SYT16: variants seen among roughly 807,000 people sequenced by gnomAD.
SYT16 encodes the protein synaptotagmin-16.
Under a neutral mutation model 61.4 loss-of-function variants are expected in SYT16, and 42 were observed. The observed-to-expected ratio is 0.68, with a 90% CI of 0.53 to 0.89. SYT16 has a LOEUF of 0.89. Ranked by LOEUF, SYT16 falls within the 40% of genes least tolerant of loss-of-function variation. SYT16 has a pLI of 0.00. For missense variants in SYT16, 804 were observed against 807.3 expected (o/e 1.00, Z 0.05); for synonymous variants, 314 against 302.3 (o/e 1.04, Z -0.40).
intron 1 of SYT16, among the ~76,000 whole-genome samples, chr14:61,881,319 AC>A (rs2047690217): frequency 6.6e-6 from 1 of 152,114 alleles, no homozygotes. Flanking sequence ...TCTCAGCAAA[AC>A]CTTTTGAATA....
intron 3 of SYT16, among the ~76,000 whole-genome samples, chr14:62,062,972 A>G (rs954119897): frequency 1.3e-5 from 2 of 152,234 alleles, no homozygotes; most frequent in African/African-American, 4.8e-5. Context: ...GTAAAGTAGC[A>G]GCAGACAGGC....
At chr14:61,869,399 T>C (rs1231471230) in intron 1 of SYT16, among the ~76,000 whole-genome samples, 1 of 152,156 alleles carries the variant, frequency 6.6e-6, no homozygotes, top group Non-Finnish European at 1.5e-5. Context: ...TAGGTTTTTT[T>C]GGCTTATTAG....
chr14:61,820,472 T>TTG (rs2045580857), intron 1 of SYT16, among the ~76,000 whole-genome samples: 2 of 115,102 alleles, frequency 1.7e-5, no homozygotes, highest in African/African-American at 3.4e-5. Context: ...CTTCAGAGTT[T>TTG]TTTTTTTTTT....
chr14:61,992,013 C>G (rs1421004558), intron 2 of SYT16, among the ~76,000 whole-genome samples: 2 of 152,034 alleles, frequency 1.3e-5, no homozygotes, highest in African/African-American at 2.4e-5. Context: ...AGCCCCTGCC[C>G]TGTGTGGATT....
intron 1 of SYT16, among the ~76,000 whole-genome samples, chr14:61,875,754 C>T (rs923019931): frequency 5.3e-5 from 8 of 152,212 alleles, no homozygotes; most frequent in Admixed American, 1.3e-4. Flanking sequence ...CCATGCATGC[C>T]TGCACCAGAC....
chr14:62,048,373 C>G (rs567398881), intron 3 of SYT16, among the ~76,000 whole-genome samples: 116 of 151,812 alleles, frequency 7.6e-4, no homozygotes, highest in African/African-American at 2.6e-3. Flanking sequence ...CTCTTTTTTT[C>G]TTTATTAGTC....
At chr14:61,854,183 G>A (rs2046705344) in intron 1 of SYT16, among the ~76,000 whole-genome samples, 1 of 152,062 alleles carries the variant, frequency 6.6e-6, no homozygotes, top group Non-Finnish European at 1.5e-5. Flanking sequence ...TTGTGAGATT[G>A]AAAGAAGGTA....
chr14:61,843,905 A>G (rs2046368837), intron 1 of SYT16, among the ~76,000 whole-genome samples: 1 of 152,140 alleles, frequency 6.6e-6, no homozygotes, highest in African/African-American at 2.4e-5. Flanking sequence ...GAGGTTCCAT[A>G]TAAATTTTAG....
At chr14:61,893,640 A>T (rs2048215442) in intron 1 of SYT16, among the ~76,000 whole-genome samples, 1 of 152,214 alleles carries the variant, frequency 6.6e-6, no homozygotes, top group Non-Finnish European at 1.5e-5. Context: ...AACTCAGTGA[A>T]GCTCAGCAAA....
chr14:61,833,743 A>G (rs960693572), intron 1 of SYT16, among the ~76,000 whole-genome samples: 25 of 144,906 alleles, frequency 1.7e-4, no homozygotes, highest in African/African-American at 5.8e-4. Context: ...TAAATTTTAA[A>G]CTCAAGGACC....
chr14:61,849,431 A>G (rs1336093329), intron 1 of SYT16, among the ~76,000 whole-genome samples: 1 of 152,012 alleles, frequency 6.6e-6, no homozygotes, highest in South Asian at 2.1e-4. Context: ...TTGCCTTTCA[A>G]ATTTATTTAG....
chr14:61,858,549 C>A (rs1594770966), intron 1 of SYT16, among the ~76,000 whole-genome samples: 2 of 151,950 alleles, frequency 1.3e-5, no homozygotes, highest in African/African-American at 4.8e-5. Context: ...GCTTTCACAC[C>A]CAGGATTTGC....
intron 1 of SYT16, among the ~76,000 whole-genome samples, chr14:61,837,982 A>G (rs2046185970): frequency 6.6e-6 from 1 of 152,212 alleles, no homozygotes; most frequent in African/African-American, 2.4e-5. Flanking sequence ...ACAGAAATAT[A>G]TATGCAAGAA....
intron 1 of SYT16, among the ~76,000 whole-genome samples, chr14:61,895,177 A>T (rs1241874831): frequency 6.6e-6 from 1 of 152,248 alleles, no homozygotes; most frequent in Non-Finnish European, 1.5e-5. Flanking sequence ...GGAGGTAATG[A>T]TTAGATCGCA....
intron 1 of SYT16, among the ~76,000 whole-genome samples, chr14:61,817,586 G>A (rs2045483043): frequency 6.6e-6 from 1 of 152,158 alleles, no homozygotes; most frequent in Non-Finnish European, 1.5e-5. Flanking sequence ...CTGTAAGTCA[G>A]TGTCATGAAA....
At chr14:61,832,327 T>C (rs1282768114) in intron 1 of SYT16, 5 of 581,466 alleles carry the variant, frequency 8.6e-6, no homozygotes, top group Non-Finnish European at 1.7e-5. Flanking sequence ...AAGGTGGAAA[T>C]TGCTCGCTTG....
intron 1 of SYT16, among the ~76,000 whole-genome samples, chr14:61,945,075 G>A (rs944469676): frequency 1.3e-5 from 2 of 152,114 alleles, no homozygotes; most frequent in Admixed American, 1.3e-4. Flanking sequence ...GTAAGCAAAG[G>A]ATATGAACAG....
At chr14:61,867,955 TG>T (rs1368370596) in intron 1 of SYT16, among the ~76,000 whole-genome samples, 1 of 152,122 alleles carries the variant, frequency 6.6e-6, no homozygotes, top group African/African-American at 2.4e-5. Context: ...GTTAATATGT[TG>T]AATTACATTG....
intron 1 of SYT16, among the ~76,000 whole-genome samples, chr14:61,837,631 A>G (rs912106961): frequency 6.6e-6 from 1 of 152,096 alleles, no homozygotes; most frequent in African/African-American, 2.4e-5. Flanking sequence ...TGGGTACATT[A>G]ATAATATGAG....
Sources: allele counts gnomAD v4.1 joint callset (sites outside exome capture counted in the v4.1 genomes callset), GRCh38; gene constraint gnomAD v4.1.1; transcripts MANE v1.5; gene names NCBI Gene and HGNC (gene_info 2026-07-23, HGNC 2026-07-21).